USH2A: variants seen among roughly 807,000 people sequenced by gnomAD.
USH2A encodes the protein Usher syndrome 2A (autosomal recessive, mild).
USH2A carries 443 observed loss-of-function variants against 538.9 expected under a neutral mutation model. The ratio of observed to expected loss-of-function variants is 0.82; its 90% CI spans 0.76 to 0.89. The LOEUF (loss-of-function observed/expected upper bound fraction) is 0.89. Among genes scored for constraint, USH2A ranks in the 40% least tolerant of loss-of-function variants. USH2A has a pLI of 0.00. For missense variants in USH2A, 6,633 were observed against 6,324.8 expected (o/e 1.05, Z -1.65); for synonymous variants, 2,413 against 2,273.5 (o/e 1.06, Z -1.75).
chr1:215,951,400 T>G (rs1256741053), intron 37 of USH2A, among the ~76,000 whole-genome samples: 2 of 152,232 alleles, frequency 1.3e-5, no homozygotes, highest in Non-Finnish European at 2.9e-5. Context: ...CTAGTTTGAT[T>G]GCACTGTGGT....
intron 41 of USH2A, among the ~76,000 whole-genome samples, chr1:215,884,964 G>A (rs1317943951): frequency 1.3e-5 from 2 of 152,138 alleles, no homozygotes; most frequent in Non-Finnish European, 2.9e-5. Flanking sequence ...CTGTGAAAAA[G>A]TGGACAGGGG....
At chr1:216,230,821 G>A (rs895862146) in intron 14 of USH2A, among the ~76,000 whole-genome samples, 9 of 151,820 alleles carry the variant, frequency 5.9e-5, no homozygotes, top group African/African-American at 2.2e-4. Flanking sequence ...CTCAGGGATA[G>A]GAGCTTCAAA....
In USH2A at chr1:215,817,194, A is replaced by C; in HGVS notation, c.9373T>G (p.Ser3125Ala). 3 of 1,611,784 alleles carry C rather than the reference A, an allele frequency of 1.9e-6. No individual in the cohort carries two copies. The highest frequency in any genetic ancestry group is 2.5e-6 in the Non-Finnish European group (3 of 1,178,354). ...GGAGACACCCAATCAATTTGAAGAG[A>C]TCTGCAACAGAGAGAATAATCAATA... The part of the protein sequence containing the change: ...TPTIRGITSR[S>A]LQIDWVSPRK... The change falls in exon 48 of 72, where the codon TCT (serine) becomes GCT (alanine). Residue 3125 changes from serine (S) to alanine (A), a missense_variant and splice_region_variant. Ser to Ala is a moderately conservative substitution (Grantham distance 99). Coordinates refer to ENST00000307340, the MANE Select transcript of USH2A (RefSeq NM_206933.4).
rs1490867906 is a variant in USH2A, at chr1:215,900,445, G to T, written c.7452-228C>A. ...TAGTAGTATTGAGACTGACTGCCAT[G>T]TGGATTTGTAGAATAGGTATTATAA... On this transcript the variant is annotated intron_variant, in intron 39 of 71. Coordinates refer to ENST00000307340, the MANE Select transcript of USH2A (RefSeq NM_206933.4). Among the ~76,000 whole-genome samples the T allele has an allele frequency of 3.3e-5, 5 of 152,122 alleles. No homozygotes were observed. In the East Asian group the frequency reaches 9.6e-4, roughly 29 times the overall value.
intron 70 of USH2A, among the ~76,000 whole-genome samples, chr1:215,633,583 C>T (rs1490918190): frequency 6.6e-6 from 1 of 152,094 alleles, no homozygotes; most frequent in East Asian, 1.9e-4. Flanking sequence ...GCAGCTTGAC[C>T]AGGCTTCTGT....
rs749578295 is a variant in USH2A, at chr1:216,199,844, G to A, written c.3594C>T (p.Tyr1198=). ...TGGTAGCTGAGGTTTCATGACCTTC[G>A]TAGGAAACACATGGCTGACCACCAG... ...PLAGGQPCVS[Y]EGHETSATIW... Residue 1198 remains tyrosine, a synonymous_variant, in exon 17 of 72, where the codon TAC becomes TAT. Coordinates refer to ENST00000307340, the MANE Select transcript of USH2A (RefSeq NM_206933.4). The A allele has an allele frequency of 4.1e-5, 66 of 1,613,974 alleles. No homozygotes were observed. The highest frequency in any genetic ancestry group is 3.8e-4 in the South Asian group (35 of 91,084).
At chr1:215,642,265 A>C (rs994123740) in intron 67 of USH2A, among the ~76,000 whole-genome samples, 5 of 152,190 alleles carry the variant, frequency 3.3e-5, no homozygotes, top group Non-Finnish European at 7.4e-5. Flanking sequence ...CCTCAAAATA[A>C]TCCTGTAAAG....
chr1:215,657,784 G>A (rs1489932052), intron 64 of USH2A, among the ~76,000 whole-genome samples: 1 of 152,130 alleles, frequency 6.6e-6, no homozygotes, highest in African/African-American at 2.4e-5. Flanking sequence ...CATTTCCCAT[G>A]CTAGAATTGG....
At chr1:215,863,247 A>G (rs1664378303) in intron 44 of USH2A, among the ~76,000 whole-genome samples, 1 of 152,178 alleles carries the variant, frequency 6.6e-6, no homozygotes, top group South Asian at 2.1e-4. Context: ...AAGTGAAGAG[A>G]GACAGATTAC....
intron 23 of USH2A, among the ~76,000 whole-genome samples, chr1:216,087,303 T>C (rs539273098): frequency 4.6e-5 from 7 of 152,016 alleles, no homozygotes; most frequent in Non-Finnish European, 1.0e-4. Context: ...CATCCTTTGC[T>C]GGAAGTTCTG....
chr1:215,917,782 A>G (rs1347762429), intron 38 of USH2A, among the ~76,000 whole-genome samples: 1 of 3,076 alleles, frequency 3.3e-4, no homozygotes, highest in African/African-American at 1.0e-3. Context: ...TATCACTACA[A>G]AAAAAAAAAA....
chr1:216,175,986 A>G (rs1227460331), intron 20 of USH2A, among the ~76,000 whole-genome samples: 2 of 152,162 alleles, frequency 1.3e-5, no homozygotes, highest in African/African-American at 2.4e-5. Context: ...CACTAAACCC[A>G]TAGGGCAGAG....
chr1:216,369,920 C>CAAA (rs71161416), intron 3 of USH2A, among the ~76,000 whole-genome samples: 47 of 127,362 alleles, frequency 3.7e-4, no homozygotes, highest in African/African-American at 9.1e-4. Context: ...GAGACTCTGC[C>CAAA]AAAAAAAAAA....
At chr1:216,126,334 C>T (rs1327414088) in intron 21 of USH2A, among the ~76,000 whole-genome samples, 1 of 152,156 alleles carries the variant, frequency 6.6e-6, no homozygotes, top group Non-Finnish European at 1.5e-5. Context: ...AGCAATTTTC[C>T]TGTATCAGCC....
intron 3 of USH2A, among the ~76,000 whole-genome samples, chr1:216,405,015 C>T (rs1022329344): frequency 6.6e-6 from 1 of 151,928 alleles, no homozygotes; most frequent in Non-Finnish European, 1.5e-5. Context: ...GGTGGAACTA[C>T]AGACACACAG....
chr1:216,171,936 AG>A (rs2034283472), intron 21 of USH2A, among the ~76,000 whole-genome samples: 1 of 152,068 alleles, frequency 6.6e-6, no homozygotes, highest in Non-Finnish European at 1.5e-5. Context: ...TTCTTCCTGA[AG>A]ATTAGATTTT....
intron 11 of USH2A, among the ~76,000 whole-genome samples, chr1:216,273,483 A>G (rs1045583266): frequency 6.6e-6 from 1 of 151,746 alleles, no homozygotes; most frequent in African/African-American, 2.4e-5. Context: ...ATTGGCAATG[A>G]AAAAAAAACC....
At chr1:216,364,826 TG>T in intron 4 of USH2A, 126 bp downstream of exon 4, 1 of 1,239,676 alleles carries the variant, frequency 8.1e-7, no homozygotes, top group South Asian at 1.3e-5. Flanking sequence ...ATCCAGTTGG[TG>T]GTAATTTGTT....
intron 58 of USH2A, among the ~76,000 whole-genome samples, chr1:215,752,077 C>G (rs1288593392): frequency 6.6e-6 from 1 of 152,176 alleles, no homozygotes; most frequent in Non-Finnish European, 1.5e-5. Context: ...GTCTCTCTCT[C>G]TCTGTCTCTC....
Sources: allele counts gnomAD v4.1 joint callset (sites outside exome capture counted in the v4.1 genomes callset), GRCh38; gene constraint gnomAD v4.1.1; transcripts MANE v1.5; gene names NCBI Gene and HGNC (gene_info 2026-07-23, HGNC 2026-07-21).